SLC30A8: variants seen among roughly 807,000 people sequenced by gnomAD.
SLC30A8 encodes solute carrier family 30 member 8.
A neutral mutation model predicts 36.9 loss-of-function variants in SLC30A8; 27 were observed. That is an observed-to-expected ratio of 0.73 (90% CI 0.54 to 1.01). SLC30A8 has a LOEUF of 1.01. SLC30A8 is among the 50% of genes least tolerant of loss of function. The pLI is 0.00. For missense variants in SLC30A8, 439 were observed against 452.0 expected (o/e 0.97, Z 0.26); for synonymous variants, 164 against 172.4 (o/e 0.95, Z 0.38).
At chr8:117,085,394 A>G (rs1390085393) in intron 2 of SLC30A8, among the ~76,000 whole-genome samples, 1 of 152,194 alleles carries the variant, frequency 6.6e-6, no homozygotes, top group Admixed American at 6.5e-5. Context: ...TAAAAATTGT[A>G]GAAATTACTC....
At chr8:117,167,641 C>T (rs1022482914) in intron 6 of SLC30A8, among the ~76,000 whole-genome samples, 3 of 151,958 alleles carry the variant, frequency 2.0e-5, no homozygotes, top group African/African-American at 4.8e-5. Context: ...CATAGATATA[C>T]CCCATTCTTC....
intron 2 of SLC30A8, among the ~76,000 whole-genome samples, chr8:117,066,519 T>C (rs1818176439): frequency 6.6e-6 from 1 of 152,128 alleles, no homozygotes; most frequent in African/African-American, 2.4e-5. Context: ...TGAGGAATCA[T>C]CCTGACCTCA....
At chr8:117,167,394 C>A (rs946514711) in intron 6 of SLC30A8, among the ~76,000 whole-genome samples, 1 of 151,762 alleles carries the variant, frequency 6.6e-6, no homozygotes, top group Non-Finnish European at 1.5e-5. Context: ...CTTATAATTC[C>A]GTCTTTGACT....
intron 2 of SLC30A8, among the ~76,000 whole-genome samples, chr8:117,099,829 T>G (rs1430065635): frequency 6.6e-6 from 1 of 152,222 alleles, no homozygotes; most frequent in Non-Finnish European, 1.5e-5. Flanking sequence ...GTATTGTTTG[T>G]TTTGGAGCCA....
At chr8:117,126,002 C>G (rs188889294) in intron 2 of SLC30A8, among the ~76,000 whole-genome samples, 1 of 151,916 alleles carries the variant, frequency 6.6e-6, no homozygotes, top group Non-Finnish European at 1.5e-5. Flanking sequence ...TCAGCTTCAA[C>G]GATCTTCTCC....
At position 117,163,491 on chromosome 8, in the gene SLC30A8, A is replaced by G. The variant is rs1822896980; in HGVS notation, c.790A>G (p.Ile264Val). Residue 264 changes from isoleucine (I) to valine (V), a missense_variant, in exon 6 of 8, where the codon ATC becomes GTC. Transcript: ENST00000456015. ...TTCCATCCTGGTCTTGGCCAGCACCATCACTATCTTAAAGGACTTCTCCAT... is the reference window on the plus strand; with the variant it reads ...TTCCATCCTGGTCTTGGCCAGCACCGTCACTATCTTAAAGGACTTCTCCAT... ...IFSILVLAST[I>V]TILKDFSILL... is the part of the protein sequence containing the mutation. The G allele has an allele frequency of 1.9e-6, 3 of 1,613,608 alleles. No homozygotes were observed. Among genetic ancestry groups the G allele is most frequent in the Non-Finnish European group, 2.5e-6 (3 of 1,179,732 alleles).
At chr8:117,066,048 G>T (rs1310129744) in intron 2 of SLC30A8, among the ~76,000 whole-genome samples, 1 of 152,140 alleles carries the variant, frequency 6.6e-6, no homozygotes, top group Admixed American at 6.5e-5. Context: ...GGAACACACA[G>T]GAAGGTTTTT....
At chr8:117,118,446 T>C (rs970596099) in intron 2 of SLC30A8, among the ~76,000 whole-genome samples, 5 of 151,942 alleles carry the variant, frequency 3.3e-5, no homozygotes, top group Non-Finnish European at 5.9e-5. Context: ...CTTAAAATAA[T>C]TGCTGCCTTA....
At chr8:117,099,147 GA>G (rs138827497) in intron 2 of SLC30A8, among the ~76,000 whole-genome samples, 4,988 of 152,184 alleles carry the variant, frequency 0.033, 191 homozygotes, top group African/African-American at 0.097. Context: ...TTCAGCTGTG[GA>G]ATGCCTACAG....
At chr8:117,092,470 T>C (rs1051719426) in intron 2 of SLC30A8, among the ~76,000 whole-genome samples, 7 of 152,160 alleles carry the variant, frequency 4.6e-5, no homozygotes, top group African/African-American at 1.7e-4. Context: ...TCCTGTCTTT[T>C]GAAGGAGAGA....
At chr8:117,170,503 T>C (rs994826863) in intron 6 of SLC30A8, among the ~76,000 whole-genome samples, 2 of 152,118 alleles carry the variant, frequency 1.3e-5, no homozygotes, top group African/African-American at 2.4e-5. Context: ...ACCTGTTGAG[T>C]AACTAATCTT....
At chr8:117,143,858 C>G (rs559799775) in intron 1 of SLC30A8, among the ~76,000 whole-genome samples, 117 of 152,180 alleles carry the variant, frequency 7.7e-4, no homozygotes, top group African/African-American at 2.7e-3. Flanking sequence ...GTAAAAATTG[C>G]CCACATTTTC....
intron 2 of SLC30A8, among the ~76,000 whole-genome samples, chr8:117,097,576 ATTTTAAATAATATATAT>A (rs1449491206): frequency 2.0e-4 from 21 of 105,504 alleles, no homozygotes; most frequent in African/African-American, 7.0e-4. Context: ...ATAATATATA[ATTTTAAATAATATATAT>A]TATATATAAT....
intron 2 of SLC30A8, among the ~76,000 whole-genome samples, chr8:117,112,080 AT>A: frequency 6.6e-6 from 1 of 152,188 alleles, no homozygotes. Context: ...TTCCGTCTCT[AT>A]TTCAGGTATC....
At chr8:117,017,394 A>T (rs1240980570) in intron 1 of SLC30A8, among the ~76,000 whole-genome samples, 1 of 152,188 alleles carries the variant, frequency 6.6e-6, no homozygotes, top group Non-Finnish European at 1.5e-5. Flanking sequence ...CCCTGTACTT[A>T]AATTTTATCT....
At chr8:117,069,466 A>T (rs1009711148) in intron 2 of SLC30A8, among the ~76,000 whole-genome samples, 1 of 152,188 alleles carries the variant, frequency 6.6e-6, no homozygotes, top group Non-Finnish European at 1.5e-5. Context: ...TGACTGTATT[A>T]TGGGAAAGAA....
intron 1 of SLC30A8, among the ~76,000 whole-genome samples, chr8:117,036,714 C>A (rs897235248): frequency 9.2e-5 from 14 of 152,118 alleles, no homozygotes; most frequent in Non-Finnish European, 1.6e-4. Context: ...GGGAAACCAC[C>A]CCCATGATTC....
chr8:116,968,081 G>A lies in SLC30A8; in HGVS notation c.-266+16962G>A, dbSNP rs112525871. Among the ~76,000 whole-genome samples, 871 of 152,140 alleles carry A rather than the reference G, an allele frequency of 5.7e-3. 9 individuals carry two copies. The highest frequency in any genetic ancestry group is 0.02 in the African/African-American group (820 of 41,510). The stretch of plus-strand genomic sequence containing the variant: ...CCTGATAAACGTGAAGATTCTTGAC[G>A]TACTCAGATTTACACAAGTTACCTT... On this transcript the variant is annotated intron_variant, in intron 1 of 10. Transcript: ENST00000427715.
At position 117,114,917 on chromosome 8, in the gene SLC30A8, G is replaced by A. The variant is rs1000983124; in HGVS notation, c.-225-20363G>A. 3.3e-5 allele frequency among the ~76,000 whole-genome samples: 5 copies of A among 151,188 alleles called. No homozygotes were observed. The South Asian group carries it at 8.4e-4, about 25-fold the overall frequency. On this transcript the variant is annotated intron_variant, in intron 2 of 10. Transcript: ENST00000427715. Reference sequence around the variant, plus strand: ...CTGTCCTCTCTCTCTCTCTCTTTCTGTCTTAGAGACAGGGTCTTGCTCTGT... The same window carrying A: ...CTGTCCTCTCTCTCTCTCTCTTTCTATCTTAGAGACAGGGTCTTGCTCTGT...
Sources: gnomAD v4.1 joint callset for allele counts (sites outside exome capture counted in the v4.1 genomes callset) on GRCh38, gnomAD v4.1.1 for gene constraint, MANE v1.5 for transcripts, NCBI Gene and HGNC (gene_info 2026-07-23, HGNC 2026-07-21) for gene names.